The following GADL1 variants were observed in gnomAD, a reference collection of about 807,000 sequenced individuals.
GADL1 encodes the protein GAD like acidic amino acid decarboxylase 1.
In GADL1, 71 loss-of-function variants were observed where a neutral mutation model predicts 69.5. The observed-to-expected ratio is 1.02, with a 90% CI of 0.84 to 1.25. The LOEUF (loss-of-function observed/expected upper bound fraction) is 1.25. Among genes scored for constraint, GADL1 ranks in the 50% most tolerant of loss-of-function variants. The pLI is 0.00. For synonymous variants in GADL1, 254 were observed against 214.4 expected (o/e 1.18, Z -1.62); for missense variants, 737 against 631.8 (o/e 1.17, Z -1.79).
intron 1 of GADL1, among the ~76,000 whole-genome samples, chr3:30,886,928 A>G (rs2125546922): frequency 6.6e-6 from 1 of 152,338 alleles, no homozygotes; most frequent in East Asian, 1.9e-4. Flanking sequence ...TAATAACAGC[A>G]GCACGTACAG....
intron 1 of GADL1, among the ~76,000 whole-genome samples, chr3:30,872,672 C>T (rs1698509666): frequency 1.3e-5 from 2 of 151,904 alleles, no homozygotes; most frequent in South Asian, 4.2e-4. Flanking sequence ...TCTAAGTTTT[C>T]CAGATCTCAA....
intron 1 of GADL1, among the ~76,000 whole-genome samples, chr3:30,882,850 T>C (rs747934360): frequency 5.3e-5 from 8 of 151,954 alleles, no homozygotes; most frequent in Non-Finnish European, 1.2e-4. Context: ...TTGGTTTTTT[T>C]TTTATAGTAG....
chr3:30,886,902 TTAA>T (rs146444920), intron 1 of GADL1, among the ~76,000 whole-genome samples: 6,975 of 152,238 alleles, frequency 0.046, 560 homozygotes, highest in African/African-American at 0.16. Context: ...TTCTTTCTAC[TTAA>T]TAATGATAAT....
chr3:30,829,424 C>T (rs2125521568), intron 11 of GADL1, among the ~76,000 whole-genome samples: 1 of 152,004 alleles, frequency 6.6e-6, no homozygotes, highest in Non-Finnish European at 1.5e-5. Context: ...TTTCCATGAA[C>T]AGCAGTATAT....
chr3:30,795,350 G>GA (rs1256660531), intron 12 of GADL1, among the ~76,000 whole-genome samples: 1 of 152,144 alleles, frequency 6.6e-6, no homozygotes, highest in African/African-American at 2.4e-5. Context: ...GAAGAGTTAA[G>GA]ATTATGACTC....
chr3:30,747,453 A>T (rs1028301677), intron 14 of GADL1, among the ~76,000 whole-genome samples: 2 of 152,216 alleles, frequency 1.3e-5, no homozygotes, highest in African/African-American at 4.8e-5. Context: ...GGTGGAATTG[A>T]GTAGAGTCTG....
At chr3:30,803,983 G>A (rs1225292693) in intron 11 of GADL1, among the ~76,000 whole-genome samples, 2 of 152,058 alleles carry the variant, frequency 1.3e-5, no homozygotes, top group African/African-American at 4.8e-5. Context: ...TTAGTAACAT[G>A]GCTTTCAGAG....
At chr3:30,796,127 CAT>C (rs1364133417) in intron 12 of GADL1, among the ~76,000 whole-genome samples, 4 of 152,108 alleles carry the variant, frequency 2.6e-5, no homozygotes, top group Non-Finnish European at 4.4e-5. Flanking sequence ...TAAATACAAT[CAT>C]AAAATATCTA....
intron 8 of GADL1, among the ~76,000 whole-genome samples, chr3:30,841,707 A>G (rs747632139): frequency 2.0e-5 from 3 of 152,142 alleles, no homozygotes; most frequent in Non-Finnish European, 4.4e-5. Flanking sequence ...GGTCTAGACA[A>G]TGATCATCAA....
At chr3:30,743,940 C>T (rs148692419) in intron 14 of GADL1, among the ~76,000 whole-genome samples, 172 of 152,272 alleles carry the variant, frequency 1.1e-3, no homozygotes, top group African/African-American at 4.0e-3. Flanking sequence ...CAGACAGGGG[C>T]TCCTCCATCA....
At chr3:30,887,754 A>G (rs1698728954) in intron 1 of GADL1, among the ~76,000 whole-genome samples, 1 of 152,194 alleles carries the variant, frequency 6.6e-6, no homozygotes, top group South Asian at 2.1e-4. Context: ...CAACAGGTAA[A>G]TTTTAAGAAT....
chr3:30,767,784 C>CA (rs1696317515), intron 14 of GADL1, among the ~76,000 whole-genome samples: 1 of 151,946 alleles, frequency 6.6e-6, no homozygotes, highest in Non-Finnish European at 1.5e-5. Context: ...AGACTAAATA[C>CA]AAAGGATATT....
chr3:30,879,246 G>T (rs1387375298), intron 1 of GADL1, among the ~76,000 whole-genome samples: 3 of 151,870 alleles, frequency 2.0e-5, no homozygotes, highest in African/African-American at 7.2e-5. Context: ...TTAGCTTTTG[G>T]TGATGGTATA....
At chr3:30,829,718 T>C (rs979728561) in intron 11 of GADL1, among the ~76,000 whole-genome samples, 1 of 151,936 alleles carries the variant, frequency 6.6e-6, no homozygotes, top group Non-Finnish European at 1.5e-5. Context: ...AGTTTTTAAA[T>C]AGATATTAGT....
At chr3:30,751,360 C>T (rs907124564) in intron 14 of GADL1, among the ~76,000 whole-genome samples, 1 of 152,076 alleles carries the variant, frequency 6.6e-6, no homozygotes, top group African/African-American at 2.4e-5. Context: ...GTGTTTGTTT[C>T]TATTCTGTGA....
chr3:30,743,966 G>C (rs997357737), intron 14 of GADL1, among the ~76,000 whole-genome samples: 1 of 152,134 alleles, frequency 6.6e-6, no homozygotes, highest in Non-Finnish European at 1.5e-5. Flanking sequence ...GATGCTGGGG[G>C]GAAGACCATG....
chr3:30,764,605 A>G (rs7642010), intron 14 of GADL1, among the ~76,000 whole-genome samples: 66,890 of 151,946 alleles, frequency 0.44, 14,720 homozygotes, highest in African/African-American at 0.46. Flanking sequence ...AAGCACCAAG[A>G]ACAGTGGAAC....
At chr3:30,730,379 A>G (rs1037703223) in intron 14 of GADL1, among the ~76,000 whole-genome samples, 3 of 152,226 alleles carry the variant, frequency 2.0e-5, no homozygotes, top group Non-Finnish European at 4.4e-5. Flanking sequence ...ATGGCTAAAC[A>G]TCATTGTGAT....
At chr3:30,876,183 C>T (rs764278810) in intron 1 of GADL1, among the ~76,000 whole-genome samples, 1 of 152,014 alleles carries the variant, frequency 6.6e-6, no homozygotes, top group Non-Finnish European at 1.5e-5. Flanking sequence ...CTAACATCCC[C>T]GTTTTATAAA....
Sources: allele counts gnomAD v4.1 joint callset (sites outside exome capture counted in the v4.1 genomes callset), GRCh38; gene constraint gnomAD v4.1.1; transcripts MANE v1.5; gene names NCBI Gene and HGNC (gene_info 2026-07-23, HGNC 2026-07-21).